The following SNTG1 variants were observed in gnomAD, a reference collection of about 807,000 sequenced individuals.
The protein encoded by SNTG1 is syntrophin gamma 1.
Under a neutral mutation model 74.7 loss-of-function variants are expected in SNTG1, and 39 were observed. That is an observed-to-expected ratio of 0.52 (90% CI 0.40 to 0.68). The LOEUF (loss-of-function observed/expected upper bound fraction) is 0.68, where lower values mean the gene tolerates loss of function less well. Ranked by LOEUF, SNTG1 falls within the 30% of genes least tolerant of loss-of-function variation. The pLI is 0.00. For missense variants in SNTG1, 685 were observed against 609.5 expected, an observed-to-expected ratio of 1.12 and a Z score of -1.30; for synonymous variants, 254 against 217.1, an observed-to-expected ratio of 1.17 and a Z score of -1.49.
chr8:49,999,987 A>C (rs1163440320), intron 1 of SNTG1, among the ~76,000 whole-genome samples: 1 of 152,156 alleles, frequency 6.6e-6, no homozygotes, highest in East Asian at 1.9e-4. Context: ...GAATTGAATA[A>C]TTGTATCTGG....
At chr8:49,932,545 T>TA (rs201491912) in intron 1 of SNTG1, among the ~76,000 whole-genome samples, 1,943 of 149,438 alleles carry the variant, frequency 0.013, 43 homozygotes, top group African/African-American at 0.043. Context: ...ATTATGTCTT[T>TA]AAAAAAAAAA....
chr8:50,062,701 T>C (rs1050900650), intron 1 of SNTG1, among the ~76,000 whole-genome samples: 21 of 152,218 alleles, frequency 1.4e-4, no homozygotes, highest in Admixed American at 3.3e-4. Flanking sequence ...ATTTACTTTT[T>C]CTTGGTCAGC....
At chr8:50,505,966 G>C (rs75952560) in intron 9 of SNTG1, among the ~76,000 whole-genome samples, 6,859 of 151,964 alleles carry the variant, frequency 0.045, 228 homozygotes, top group Middle Eastern at 0.11. Context: ...TTTTCTGCTA[G>C]GATTTTTTAC....
rs188098991 is a variant in SNTG1 at position 50,189,479 on chromosome 8, C to T, written c.-28+16844C>T. On this transcript the variant is annotated intron_variant, in intron 2 of 18. Transcript: ENST00000642720. Reference sequence around the variant, plus strand: ...CTGCTGATGCAGGGACCACACTGTGCAAACCACTAGATGGAGAAAGAAGTG... The same window carrying T: ...CTGCTGATGCAGGGACCACACTGTGTAAACCACTAGATGGAGAAAGAAGTG... Among the ~76,000 whole-genome samples the T allele has an allele frequency of 3.0e-4, 45 of 152,176 alleles. No homozygotes were observed. In the East Asian group the frequency reaches 7.3e-3, roughly 25 times the overall value.
rs118106101 is a variant in SNTG1, at chr8:50,284,460, T to C, written c.-27-109752T>C. Among the ~76,000 whole-genome samples the C allele has an allele frequency of 3.0e-4, 46 of 152,286 alleles. No individual in the cohort carries two copies. In the East Asian group the frequency reaches 8.7e-3, roughly 29 times the overall value. ...GTCTTATTTCATTGTTCAAATGTTC[T>C]GACTTTGGCCATTGGTTGTCCTTTC... is the stretch of plus-strand genomic sequence containing the variant. On this transcript the variant is annotated intron_variant, in intron 2 of 18. Transcript: ENST00000642720.
At chr8:49,910,357 C>T (rs543395066), upstream of SNTG1, among the ~76,000 whole-genome samples, 94 of 148,712 alleles carry the variant, frequency 6.3e-4, no homozygotes, top group African/African-American at 2.2e-3. Flanking sequence ...CCTCTCATGT[C>T]TATCAATAAC....
At chr8:50,708,507 T>C (rs2095451731) in intron 16 of SNTG1, 1 of 172,898 alleles carries the variant, frequency 5.8e-6, no homozygotes, top group African/African-American at 2.4e-5. Context: ...TCTCTTTTAG[T>C]TTAATGAAAA....
chr8:50,242,106 T>G (rs28510664), intron 2 of SNTG1, among the ~76,000 whole-genome samples: 47,037 of 151,770 alleles, frequency 0.31, 7,548 homozygotes, highest in Middle Eastern at 0.41. Flanking sequence ...CGTATACATA[T>G]CTACATATAT....
intron 9 of SNTG1, among the ~76,000 whole-genome samples, chr8:50,528,642 T>A (rs568798111): frequency 2.6e-5 from 4 of 151,884 alleles, no homozygotes; most frequent in African/African-American, 9.6e-5. Flanking sequence ...TTGGTTAGAT[T>A]TTTTTTAATG....
rs571058601 is a variant in SNTG1, at chr8:50,275,516, C to T, written c.-28+102881C>T. Among the ~76,000 whole-genome samples the T allele has an allele frequency of 1.1e-4, 16 of 152,126 alleles. No homozygotes were observed. In the South Asian group the frequency reaches 3.1e-3, roughly 30 times the overall value. ...ATACGCATTTACAGTAATCTAAGTCCGGCTTCAAATAACATTATAACACTT... is the reference window on the plus strand; with the variant it reads ...ATACGCATTTACAGTAATCTAAGTCTGGCTTCAAATAACATTATAACACTT... On this transcript the variant is annotated intron_variant, in intron 2 of 18. Transcript: ENST00000642720.
At chr8:50,778,675 T>C (rs960179098) in intron 18 of SNTG1, among the ~76,000 whole-genome samples, 2 of 128,026 alleles carry the variant, frequency 1.6e-5, no homozygotes, top group Non-Finnish European at 3.0e-5. Flanking sequence ...CTGATGGTAG[T>C]TTCTTTTGCT....
At chr8:50,470,793 G>A (rs767659904) in intron 8 of SNTG1, among the ~76,000 whole-genome samples, 6 of 152,168 alleles carry the variant, frequency 3.9e-5, no homozygotes, top group Non-Finnish European at 8.8e-5. Flanking sequence ...ATGACAAAGA[G>A]CAAAAGAACA....
intron 1 of SNTG1, among the ~76,000 whole-genome samples, chr8:49,916,102 G>A (rs1362740012): frequency 6.6e-6 from 1 of 151,828 alleles, no homozygotes; most frequent in African/African-American, 2.4e-5. Context: ...TTCCAGCATT[G>A]TTTTGTGGTT....
chr8:50,233,493 C>T (rs184231036), intron 2 of SNTG1, among the ~76,000 whole-genome samples: 1 of 151,786 alleles, frequency 6.6e-6, no homozygotes, highest in East Asian at 1.9e-4. Flanking sequence ...GGAGAAAATA[C>T]TAGGACCTAG....
chr8:50,171,944 A>G (rs1448394544), intron 1 of SNTG1, among the ~76,000 whole-genome samples: 1 of 152,194 alleles, frequency 6.6e-6, no homozygotes, highest in Non-Finnish European at 1.5e-5. Context: ...GGTATTTTCA[A>G]AACTACAGTT....
chr8:50,455,294 A>T (rs573233442), intron 8 of SNTG1, among the ~76,000 whole-genome samples: 1 of 152,338 alleles, frequency 6.6e-6, no homozygotes, highest in Non-Finnish European at 1.5e-5. Flanking sequence ...TTCCTTTTAA[A>T]GTAGCATTTC....
intron 2 of SNTG1, among the ~76,000 whole-genome samples, chr8:50,377,009 C>T (rs997643123): frequency 2.6e-5 from 4 of 152,040 alleles, no homozygotes; most frequent in African/African-American, 9.7e-5. Flanking sequence ...GACTCCGGCT[C>T]CTGCCTGGGC....
Position 50,198,026 on chromosome 8 carries a change from C to A in SNTG1, c.-28+25391C>A, listed in dbSNP as rs571282393. Among the ~76,000 whole-genome samples, 32 of 152,218 alleles carry A rather than the reference C, an allele frequency of 2.1e-4. 1 individual carries two copies. The highest frequency in any genetic ancestry group is 6.5e-4 in the Admixed American group (10 of 15,268). ...GTTCTGTTGGTGTCCACTTCCCTAC[C>A]AATGTCATTATATTTATTTCCGTAC... On this transcript the variant is annotated intron_variant, in intron 2 of 18. Transcript: ENST00000642720.
intron 18 of SNTG1, among the ~76,000 whole-genome samples, chr8:50,774,582 A>C (rs2095635257): frequency 6.6e-6 from 1 of 151,878 alleles, no homozygotes; most frequent in Admixed American, 6.6e-5. Context: ...GTAAATATAC[A>C]CTACAGAAAA....
Sources: gnomAD v4.1 joint callset for allele counts (sites outside exome capture counted in the v4.1 genomes callset) on GRCh38, gnomAD v4.1.1 for gene constraint, MANE v1.5 for transcripts, NCBI Gene and HGNC (gene_info 2026-07-23, HGNC 2026-07-21) for gene names.